The following NCAPD2 variants were observed in gnomAD, a reference collection of about 807,000 sequenced individuals.
NCAPD2 encodes the protein condensin complex subunit 1.
Under a neutral mutation model 164.5 loss-of-function variants are expected in NCAPD2, and 100 were observed. The ratio of observed to expected loss-of-function variants is 0.61; its 90% CI spans 0.52 to 0.72. NCAPD2 has a LOEUF of 0.72. NCAPD2 is among the 30% of genes least tolerant of loss of function. The pLI is 0.00. For missense variants in NCAPD2, 1,560 were observed against 1,749.2 expected (o/e 0.89, Z 1.93); for synonymous variants, 585 against 642.6 (o/e 0.91, Z 1.36).
In NCAPD2 at chr12:6,528,956, C is replaced by CT. The variant is rs1197700941; in HGVS notation, c.3490dup (p.Tyr1164LeufsTer2). ...TCTCTGTCTTACAGGGCAACGCAAT[C>CT]TATAATCTCCTTCCAGATATCATCA... On this transcript the variant is annotated frameshift_variant, in exon 27 of 32. Transcript: ENST00000315579. LOFTEE classifies it high-confidence loss of function. The surrounding 1 kb of genome is among the most constrained non-coding windows in gnomAD (Gnocchi z 5.1). 3 of 1,613,972 alleles carry CT rather than the reference C, an allele frequency of 1.9e-6. No individual in the cohort carries two copies. The highest frequency in any genetic ancestry group is 2.5e-6 in the Non-Finnish European group (3 of 1,180,020).
At chr12:6,513,678 G>A (rs935458187) in intron 6 of NCAPD2, among the ~76,000 whole-genome samples, 9 of 143,660 alleles carry the variant, frequency 6.3e-5, no homozygotes, top group African/African-American at 2.1e-4. Context: ...TGAATCAGTC[G>A]TTATATTTAG....
intron 2 of NCAPD2, among the ~76,000 whole-genome samples, chr12:6,504,170 CATATATATATACATATATATATAT>C (rs1294053220): frequency 3.3e-5 from 4 of 121,128 alleles, no homozygotes; most frequent in South Asian, 6.2e-4. Flanking sequence ...TCAGTTTTGA[CATATATATATACATATATATATAT>C]ATATATATAT....
At chr12:6,513,571 T>C (rs1350242838) in intron 6 of NCAPD2, among the ~76,000 whole-genome samples, 1 of 152,046 alleles carries the variant, frequency 6.6e-6, no homozygotes, top group Non-Finnish European at 1.5e-5. Flanking sequence ...AGTCTTGTTC[T>C]TGTGTCCTGG....
At chr12:6,527,612 C>G (rs561239976) in intron 22 of NCAPD2, among the ~76,000 whole-genome samples, 165 bp from the exon 23 acceptor site, 2 of 152,342 alleles carry the variant, frequency 1.3e-5, no homozygotes, top group East Asian at 3.9e-4. Context: ...CATTGTTCCC[C>G]TGCTTAATTC....
rs549651981 is a variant in NCAPD2, at chr12:6,508,505, ATAAC to A, written c.128-1208_128-1205del. Among the ~76,000 whole-genome samples the A allele has an allele frequency of 9.6e-4, 146 of 152,346 alleles. 1 individual carries two copies. Among genetic ancestry groups the A allele is most frequent in the African/African-American group, 3.3e-3 (138 of 41,582 alleles). The stretch of plus-strand genomic sequence containing the variant: ...AGTCCATTCTGCTATAAATAAGTGA[ATAAC>A]TAAATAAAGGGAAAGGGACAGCTAA... On this transcript the variant is annotated intron_variant, in intron 2 of 31. Coordinates refer to ENST00000315579, the MANE Select transcript of NCAPD2 (RefSeq NM_014865.4).
At chr12:6,498,164 C>T (rs1215917563) in intron 2 of NCAPD2, among the ~76,000 whole-genome samples, 1 of 152,212 alleles carries the variant, frequency 6.6e-6, no homozygotes, top group African/African-American at 2.4e-5. Flanking sequence ...CCACCTCAGC[C>T]TCCCAAAGTG....
At chr12:6,514,191 A>G in intron 6 of NCAPD2, 74 bp from the exon 7 acceptor site, 1 of 1,589,848 alleles carries the variant, frequency 6.3e-7, no homozygotes, top group South Asian at 1.1e-5. Flanking sequence ...TAGGGATAGA[A>G]TGAATGAGGC....
At position 6,531,277 on chromosome 12, in the gene NCAPD2, C is replaced by T. The variant is rs71579330; in HGVS notation, c.4121-50C>T. The T allele has an allele frequency of 0.027, 41,954 of 1,567,148 alleles. 673 individuals carry two copies. The highest frequency in any genetic ancestry group is 0.032 in the Non-Finnish European group (37,108 of 1,143,352). On this transcript the variant is annotated intron_variant, in intron 31 of 31. Transcript: ENST00000315579. This position sits in a 1 kb window ranked among gnomAD's most constrained non-coding sequence, Gnocchi z 4.1. ...ACTTGTTCTCTGATATCTATTTTTT[C>T]ACCATCTTTGTGACTCAGCTTTTTC...
At chr12:6,501,062 T>G (rs900897536) in intron 2 of NCAPD2, among the ~76,000 whole-genome samples, 9 of 150,908 alleles carry the variant, frequency 6.0e-5, no homozygotes, top group African/African-American at 2.2e-4. Context: ...AAGGCTTTTT[T>G]TTTTTTTTTT....
intron 6 of NCAPD2, among the ~76,000 whole-genome samples, chr12:6,513,307 G>A (rs1946168555): frequency 6.6e-6 from 1 of 152,198 alleles, no homozygotes; most frequent in East Asian, 1.9e-4. Flanking sequence ...TTGGGAGGCT[G>A]AGGCAGGAGG....
rs1206859786 is a variant in NCAPD2 at position 6,510,758 on chromosome 12, T to C, written c.392T>C (p.Phe131Ser). 1 of 1,614,160 alleles carries C rather than the reference T, an allele frequency of 6.2e-7. No individual in the cohort carries two copies. Among genetic ancestry groups the C allele is most frequent in the Admixed American group, 1.7e-5 (1 of 60,000 alleles). ...GCTCTGATACGTCTCCTGGAATCCT[T>C]TGAGACCATGGCCAGCCAGACAAAC... ...CYALIRLLES[F>S]ETMASQTNLV... is the part of the protein sequence containing the mutation. The change falls in exon 5 of 32, where the codon TTT becomes TCT. Residue 131 changes from phenylalanine to serine, a missense_variant. Coordinates refer to ENST00000315579, the MANE Select transcript of NCAPD2 (RefSeq NM_014865.4).
chr12:6,517,844 C>T lies in NCAPD2; in HGVS notation c.1474C>T (p.Gln492Ter), dbSNP rs1946218787. Residue 492 changes from glutamine to a stop codon, truncating the protein, a stop_gained, in exon 13 of 32, where the codon CAG (glutamine) becomes TAG (stop). Transcript: ENST00000315579. LOFTEE classifies it high-confidence loss of function. ...GCCAGAGTTGAAGTCTACCCTGCAG[C>T]AGCTTCTACAGCTTCCCCAGGGAGA... ...MLPELKSTLQ[Q>*]LLQLPQGEEE... The T allele has an allele frequency of 6.2e-7, 1 of 1,614,060 alleles. No homozygotes were observed. Among genetic ancestry groups the T allele is most frequent in the Non-Finnish European group, 8.5e-7 (1 of 1,180,034 alleles).
Position 6,517,621 on chromosome 12 carries a change from C to T in NCAPD2, c.1346C>T (p.Pro449Leu), listed in dbSNP as rs141181063. Residue 449 changes from proline (P) to leucine (L), a missense_variant, in exon 12 of 32, where the codon CCA becomes CTA. Physicochemically the swap from Pro to Leu is moderately conservative, Grantham distance 98. Coordinates refer to ENST00000315579, the MANE Select transcript of NCAPD2 (RefSeq NM_014865.4). The stretch of plus-strand genomic sequence containing the variant: ...CTTAGTGATGCTGACCTTGCCGGAC[C>T]ACTGCAGAAGGAGACCCAGAAATTA... ...CKLSDADLAGPLQKETQKLQE... is the reference protein window; with the variant it reads ...CKLSDADLAGLLQKETQKLQE... 2.5e-6 allele frequency: 4 copies of T among 1,614,064 alleles called. No individual in the cohort carries two copies. In the African/African-American group the frequency reaches 4.0e-5, roughly 16 times the overall value.
At chr12:6,497,941 T>A (rs1194565247) in intron 2 of NCAPD2, among the ~76,000 whole-genome samples, 4 of 147,428 alleles carry the variant, frequency 2.7e-5, no homozygotes, top group Non-Finnish European at 6.0e-5. Context: ...TAAAGAGTCT[T>A]TTGTTTTTTG....
chr12:6,506,844 CAAAA>C (rs1946103833), intron 2 of NCAPD2, among the ~76,000 whole-genome samples: 1 of 151,750 alleles, frequency 6.6e-6, no homozygotes, highest in South Asian at 2.1e-4. Context: ...GACTTTGTCT[CAAAA>C]GAAAGAAAGA....
chr12:6,494,969 A>G (rs951229142), intron 1 of NCAPD2, 107 bp from the exon 2 acceptor site: 3 of 1,155,712 alleles, frequency 2.6e-6, no homozygotes, highest in Non-Finnish European at 3.7e-6. Context: ...CTAGCTTGCT[A>G]TAAAACTAAA....
In NCAPD2 at chr12:6,528,570, C is replaced by G. The variant is rs1480050839; in HGVS notation, c.3300-109C>G. On this transcript the variant is annotated intron_variant, in intron 25 of 31. Coordinates refer to ENST00000315579, the MANE Select transcript of NCAPD2 (RefSeq NM_014865.4). This position sits in a 1 kb window ranked among gnomAD's most constrained non-coding sequence, Gnocchi z 5.1. ...ACTCTAGACAGCTTTCTGACTGCTT[C>G]TGGAGTGGCAGAGCATGGGATAATT... The G allele has an allele frequency of 1.5e-6, 2 of 1,328,020 alleles. No homozygotes were observed. The highest frequency in any genetic ancestry group is 1.5e-5 in the African/African-American group (1 of 68,310). The allele number at this position is 1,328,020 out of a possible 1,614,324, so 82.3% of individuals were successfully genotyped here. A position where few individuals can be genotyped will look rare whatever the true frequency, so the allele number is the denominator to read the frequency against.
In NCAPD2 at chr12:6,503,378, A is replaced by G. The variant is rs181379946; in HGVS notation, c.128-6339A>G. On this transcript the variant is annotated intron_variant, in intron 2 of 31. Coordinates refer to ENST00000315579, the MANE Select transcript of NCAPD2 (RefSeq NM_014865.4). ...CTGGGAAGTCCCAAATCAATGCACC[A>G]GTAACTGGCAAGGGCCTTCTTGCTG... Among the ~76,000 whole-genome samples, 107 of 152,304 alleles carry G rather than the reference A, an allele frequency of 7.0e-4. 1 individual carries two copies. Among genetic ancestry groups the G allele is most frequent in the African/African-American group, 2.4e-3 (100 of 41,562 alleles).
intron 9 of NCAPD2, 92 bp from the exon 10 acceptor site, chr12:6,516,736 T>C: frequency 8.3e-7 from 1 of 1,206,004 alleles, no homozygotes; most frequent in Non-Finnish European, 1.2e-6. Context: ...TGGGAGTGAA[T>C]ACCTAGGCAG....
Sources: allele counts gnomAD v4.1 joint callset (sites outside exome capture counted in the v4.1 genomes callset), GRCh38; gene constraint gnomAD v4.1.1; non-coding constraint Gnocchi (gnomAD v3.1); transcripts MANE v1.5; gene names NCBI Gene and HGNC (gene_info 2026-07-23, HGNC 2026-07-21).